Variants in FES observed in about 807,000 individuals in gnomAD.
FES encodes FES proto-oncogene, tyrosine kinase.
Under a neutral mutation model 109.6 loss-of-function variants are expected in FES, and 83 were observed. That is an observed-to-expected ratio of 0.76 (90% CI 0.63 to 0.91). FES has a LOEUF of 0.91. Ranked by LOEUF, FES falls within the 40% of genes least tolerant of loss-of-function variation. The probability of loss-of-function intolerance (pLI) is 0.00; values close to 1 mark genes in which losing one functional copy is unlikely to be tolerated. For missense variants in FES, 943 were observed against 1,070.9 expected, an observed-to-expected ratio of 0.88 and a Z score of 1.67; for synonymous variants, 458 against 442.1, an observed-to-expected ratio of 1.04 and a Z score of -0.45.
chr15:90,885,547 A>G lies in FES; in HGVS notation c.349A>G (p.Ser117Gly). 6.2e-7 allele frequency: 1 copy of G among 1,613,202 alleles called. No homozygotes were observed. The highest frequency in any genetic ancestry group is 8.5e-7 in the Non-Finnish European group (1 of 1,179,998). The change falls in exon 3 of 19, where the codon AGC (serine) becomes GGC (glycine). Residue 117 changes from serine (S) to glycine (G), a missense_variant. Transcript: ENST00000328850. ...RERQQLRKTYSEQWQQLQQEL... is the reference protein window; with the variant it reads ...RERQQLRKTYGEQWQQLQQEL... Reference sequence around the variant, plus strand: ...ACGGCAGCAGCTTCGCAAGACCTACAGCGAGCAGTGGCAGCAGCTGCAGCA... The same window carrying G: ...ACGGCAGCAGCTTCGCAAGACCTACGGCGAGCAGTGGCAGCAGCTGCAGCA...
chr15:90,885,304 C>G, intron 2 of FES, 46 bp downstream of exon 2: 1 of 1,601,434 alleles, frequency 6.2e-7, no homozygotes, highest in Non-Finnish European at 8.5e-7. Context: ...TATCTGCCTT[C>G]TCCTTCCTCT....
chr15:90,885,357 A>T lies in FES; in HGVS notation c.214-55A>T, dbSNP rs1473538916. The T allele has an allele frequency of 1.9e-6, 3 of 1,597,498 alleles. No homozygotes were observed. The South Asian group carries it at 3.4e-5, about 18-fold the overall frequency. On this transcript the variant is annotated intron_variant, in intron 2 of 18. Transcript: ENST00000328850. Reference sequence around the variant, plus strand: ...GCAGTGGCTGGAGATCTGGCAGGCCAATGCTTGGGAGCCATTGTGCCCCCC... The same window carrying T: ...GCAGTGGCTGGAGATCTGGCAGGCCTATGCTTGGGAGCCATTGTGCCCCCC...
At chr15:90,886,541 G>T (rs2032645522) in intron 3 of FES, among the ~76,000 whole-genome samples, 1 of 152,216 alleles carries the variant, frequency 6.6e-6, no homozygotes, top group Admixed American at 6.5e-5. Context: ...CTACTGCCAA[G>T]AACATAATTT....
chr15:90,890,035 C>G (rs4932376), intron 8 of FES, 57 bp from the exon 9 acceptor site: 611,163 of 1,588,792 alleles, frequency 0.38, 128,276 homozygotes, highest in East Asian at 0.81. Flanking sequence ...CTGCTGGCTA[C>G]CCGCCGCAGA....
Position 90,889,441 on chromosome 15 carries a change from T to A in FES, c.804T>A (p.Tyr268Ter), listed in dbSNP as rs1555431024. ...EAEYQGFLRQYGSAPDVPPCV... is the reference protein window; with the variant it reads ...EAEYQGFLRQ ...AGTACCAAGGCTTCCTGCGACAGTA[T>A]GGGTAAGCCCCGTCCTTGCTCCTGC... The change falls in exon 6 of 19, where the codon TAT becomes TAA. Residue 268 changes from tyrosine (Y) to a stop codon, truncating the protein, a stop_gained and splice_region_variant. Coordinates refer to ENST00000328850, the MANE Select transcript of FES (RefSeq NM_002005.4). LOFTEE classifies it high-confidence loss of function. The surrounding 1 kb of genome is among the most constrained non-coding windows in gnomAD (Gnocchi z 6.1). The A allele has an allele frequency of 6.2e-7, 1 of 1,614,006 alleles. No homozygotes were observed. The highest frequency in any genetic ancestry group is 8.5e-7 in the Non-Finnish European group (1 of 1,179,976).
intron 14 of FES, 74 bp downstream of exon 14, chr15:90,892,899 C>A (rs2033361422): frequency 1.3e-6 from 2 of 1,493,344 alleles, no homozygotes; most frequent in African/African-American, 1.4e-5. Flanking sequence ...GTGTGAAGTG[C>A]TTGACCACCG....
Position 90,885,097 on chromosome 15 carries a change from C to A in FES, c.52C>A (p.Gln18Lys), listed in dbSNP as rs28510611. The change falls in exon 2 of 19, where the codon CAA (glutamine) becomes AAA (lysine). Residue 18 changes from glutamine to lysine, a missense_variant. Gln to Lys is a moderately conservative substitution (Grantham distance 53). Transcript: ENST00000328850. ...CCCCCAGGGCCACGGGGTCCTGCAG[C>A]AAATGCAGGAGGCCGAGCTTCGTCT... ...CSPQGHGVLQ[Q>K]MQEAELRLLE... 439 of 1,613,674 alleles carry A rather than the reference C, an allele frequency of 2.7e-4. 1 individual carries two copies. The African/African-American group carries it at 5.3e-3, about 20-fold the overall frequency.
At chr15:90,893,537 G>A in intron 16 of FES, 117 bp from the exon 17 acceptor site, 1 of 1,487,502 alleles carries the variant, frequency 6.7e-7, no homozygotes, top group Non-Finnish European at 9.0e-7. Flanking sequence ...TGGCCTCTGT[G>A]GTAGACAGGG....
intron 11 of FES, 164 bp downstream of exon 11, chr15:90,891,355 A>C: frequency 9.5e-7 from 1 of 1,053,822 alleles, no homozygotes; most frequent in South Asian, 1.5e-5. Context: ...TCCCTGCAAC[A>C]AAATAGAGGC....
chr15:90,895,185 T>C (rs1567105634), intron 18 of FES, among the ~76,000 whole-genome samples: 1 of 152,238 alleles, frequency 6.6e-6, no homozygotes, highest in Non-Finnish European at 1.5e-5. Flanking sequence ...GGGATTAATA[T>C]GTCCCTTTCT....
In FES at chr15:90,889,422, A is replaced by G; in HGVS notation, c.785A>G (p.Gln262Arg). 6.2e-7 allele frequency: 1 copy of G among 1,614,004 alleles called. No individual in the cohort carries two copies. The highest frequency in any genetic ancestry group is 8.5e-7 in the Non-Finnish European group (1 of 1,180,006). Residue 262 changes from glutamine to arginine, a missense_variant, in exon 6 of 19, where the codon CAA becomes CGA. Coordinates refer to ENST00000328850, the MANE Select transcript of FES (RefSeq NM_002005.4). This position sits in a 1 kb window ranked among gnomAD's most constrained non-coding sequence, Gnocchi z 6.1. Reference sequence around the variant, plus strand: ...CGCATCCAGCCTGAGGCTGAGTACCAAGGCTTCCTGCGACAGTATGGGTAA... The same window carrying G: ...CGCATCCAGCCTGAGGCTGAGTACCGAGGCTTCCTGCGACAGTATGGGTAA... ...AARIQPEAEYQGFLRQYGSAP... is the reference protein window; with the variant it reads ...AARIQPEAEYRGFLRQYGSAP...
rs1388638561 is a variant in FES, at chr15:90,893,675, C to T, written c.2067C>T (p.Cys689=). ...CIHRDLAARN[C]LVTEKNVLKI... The stretch of plus-strand genomic sequence containing the variant: ...CCAGGGACCTGGCTGCTCGGAACTG[C>T]CTGGTGACAGAGAAGAATGTCCTGA... Residue 689 remains cysteine (C), a synonymous_variant, in exon 17 of 19, where the codon TGC becomes TGT. Coordinates refer to ENST00000328850, the MANE Select transcript of FES (RefSeq NM_002005.4). 6.2e-7 allele frequency: 1 copy of T among 1,604,008 alleles called. No individual in the cohort carries two copies. The highest frequency in any genetic ancestry group is 8.5e-7 in the Non-Finnish European group (1 of 1,174,920).
chr15:90,890,390 C>T lies in FES; in HGVS notation c.1237-11C>T, dbSNP rs1292574583. ...GCCTGGCCACCCGCTGACGTCTGTC[C>T]CTGGCCTCAGGAGCAGGAGCGAGAG... On this transcript the variant is annotated splice_polypyrimidine_tract_variant and intron_variant, in intron 9 of 18. Transcript: ENST00000328850. 3.7e-6 allele frequency: 6 copies of T among 1,612,254 alleles called. No homozygotes were observed. Among genetic ancestry groups the T allele is most frequent in the East Asian group, 2.2e-5 (1 of 44,892 alleles).
rs754923257 is a variant in FES, at chr15:90,892,769, G to A, written c.1770G>A (p.Lys590=). ...CCGACAACACCCTGGTGGCGGTGAA[G>A]TCTTGTCGAGAGACGCTCCCACCTG... ...LRADNTLVAV[K]SCRETLPPDL... The change falls in exon 14 of 19, where the codon AAG becomes AAA. Residue 590 remains lysine, a synonymous_variant. Transcript: ENST00000328850. 4.3e-6 allele frequency: 7 copies of A among 1,613,798 alleles called. No homozygotes were observed. Among genetic ancestry groups the A allele is most frequent in the Non-Finnish European group, 4.2e-6 (5 of 1,179,970 alleles).
chr15:90,893,956 G>C lies in FES; in HGVS notation c.2224G>C (p.Asp742His). The C allele has an allele frequency of 6.2e-7, 1 of 1,613,788 alleles. No homozygotes were observed. Among genetic ancestry groups the C allele is most frequent in the Non-Finnish European group, 8.5e-7 (1 of 1,180,008 alleles). Residue 742 changes from aspartate (D) to histidine (H), a missense_variant, in exon 18 of 19, where the codon GAC becomes CAC. By Grantham distance (81) the Asp-to-His change is moderately conservative. Coordinates refer to ENST00000328850, the MANE Select transcript of FES (RefSeq NM_002005.4). Reference protein sequence around the residue: ...LNYGRYSSESDVWSFGILLWE... With the variant: ...LNYGRYSSESHVWSFGILLWE... ...TGCAGGCCGCTACTCCTCCGAAAGC[G>C]ACGTGTGGAGCTTTGGCATCTTGCT...
At chr15:90,892,385 C>T (rs2033306935) in intron 13 of FES, 5 of 588,056 alleles carry the variant, frequency 8.5e-6, no homozygotes, top group Non-Finnish European at 1.2e-5. Context: ...GGGAGACACC[C>T]TGTTACTGTA....
rs1207109363 is a variant in FES, at chr15:90,889,279, T to A, written c.669-27T>A. ...AGCCTTGCCCAGCCTGAGGCTCCCCTGACTGGGGATCCCGTCTCGGGGGCA... is the reference window on the plus strand; with the variant it reads ...AGCCTTGCCCAGCCTGAGGCTCCCCAGACTGGGGATCCCGTCTCGGGGGCA... On this transcript the variant is annotated intron_variant, in intron 5 of 18. Coordinates refer to ENST00000328850, the MANE Select transcript of FES (RefSeq NM_002005.4). This position sits in a 1 kb window ranked among gnomAD's most constrained non-coding sequence, Gnocchi z 6.1. The A allele has an allele frequency of 6.2e-7, 1 of 1,611,106 alleles. No individual in the cohort carries two copies. The highest frequency in any genetic ancestry group is 8.5e-7 in the Non-Finnish European group (1 of 1,179,028).
chr15:90,889,531 T>C lies in FES; in HGVS notation c.821T>C (p.Val274Ala). Residue 274 changes from valine to alanine, a missense_variant, in exon 7 of 19, where the codon GTC becomes GCC. By Grantham distance (64) the Val-to-Ala change is moderately conservative. Coordinates refer to ENST00000328850, the MANE Select transcript of FES (RefSeq NM_002005.4). The surrounding 1 kb of genome is among the most constrained non-coding windows in gnomAD (Gnocchi z 6.1). The part of the protein sequence containing the change: ...FLRQYGSAPD[V>A]PPCVTFDESL... ...GTCCCCCACAGGTCCGCACCTGACG[T>C]CCCACCCTGTGTCACGTTCGATGAG... The C allele has an allele frequency of 6.2e-7, 1 of 1,613,726 alleles. No homozygotes were observed. Among genetic ancestry groups the C allele is most frequent in the South Asian group, 1.1e-5 (1 of 91,072 alleles).
intron 13 of FES, 52 bp downstream of exon 13, chr15:90,892,163 C>G (rs762351208): frequency 6.9e-6 from 11 of 1,605,088 alleles, no homozygotes; most frequent in Non-Finnish European, 9.4e-6. Context: ...TCCTGAGTCG[C>G]GCCTGGGCCC....
Sources: gnomAD v4.1 joint callset for allele counts (sites outside exome capture counted in the v4.1 genomes callset) on GRCh38, gnomAD v4.1.1 for gene constraint, Gnocchi (gnomAD v3.1) non-coding constraint, MANE v1.5 for transcripts, NCBI Gene and HGNC (gene_info 2026-07-23, HGNC 2026-07-21) for gene names.